TMC1: variants seen among roughly 807,000 people sequenced by gnomAD.
TMC1 encodes transmembrane channel-like protein 1.
In TMC1, 84 loss-of-function variants were observed where a neutral mutation model predicts 105.8. That is an observed-to-expected ratio of 0.79 (90% confidence interval 0.67 to 0.95). The LOEUF is 0.95. Ranked by LOEUF, TMC1 falls within the 40% of genes least tolerant of loss-of-function variation. The pLI is 0.00. For missense variants in TMC1, 817 were observed against 914.1 expected (o/e 0.89, Z 1.37); for synonymous variants, 315 against 311.5 (o/e 1.01, Z -0.12).
chr9:72,785,250 A>C (rs1828151410), intron 13 of TMC1, among the ~76,000 whole-genome samples: 1 of 152,206 alleles, frequency 6.6e-6, no homozygotes. Flanking sequence ...CAGTTGGAAC[A>C]TGTTTCTTTT....
intron 17 of TMC1, among the ~76,000 whole-genome samples, chr9:72,801,178 C>G (rs1432790667): frequency 6.6e-6 from 1 of 152,052 alleles, no homozygotes; most frequent in African/African-American, 2.4e-5. Context: ...CTGCAGATTC[C>G]CAAGCAATCA....
At chr9:72,718,331 G>C (rs993615679) in intron 8 of TMC1, among the ~76,000 whole-genome samples, 2 of 152,144 alleles carry the variant, frequency 1.3e-5, no homozygotes, top group South Asian at 4.1e-4. Flanking sequence ...ATTTGGGTAG[G>C]CTATTTCAGA....
intron 1 of TMC1, among the ~76,000 whole-genome samples, chr9:72,523,476 A>G (rs1002288095): frequency 6.6e-6 from 1 of 152,194 alleles, no homozygotes; most frequent in African/African-American, 2.4e-5. Flanking sequence ...TGTATTATAC[A>G]CTGTATTCTT....
At chr9:72,692,381 C>T (rs2132187411) in intron 6 of TMC1, among the ~76,000 whole-genome samples, 1 of 152,234 alleles carries the variant, frequency 6.6e-6, no homozygotes, top group African/African-American at 2.4e-5. Context: ...GATTTTTCTA[C>T]CAGCTACCTA....
chr9:72,554,704 T>C (rs1002046564), intron 1 of TMC1, among the ~76,000 whole-genome samples: 1 of 152,176 alleles, frequency 6.6e-6, no homozygotes, highest in Non-Finnish European at 1.5e-5. Flanking sequence ...TGGATGCCAC[T>C]TTCTCATCTG....
rs576698276 is a variant in TMC1, at chr9:72,720,606, T to C, written c.363-19513T>C. Among the ~76,000 whole-genome samples the C allele has an allele frequency of 3.1e-4, 47 of 152,298 alleles. No individual in the cohort carries two copies. The South Asian group carries it at 8.5e-3, about 28-fold the overall frequency. On this transcript the variant is annotated intron_variant, in intron 8 of 23. Coordinates refer to ENST00000297784, the MANE Select transcript of TMC1 (RefSeq NM_138691.3). ...ATTGGAATGAATGACACAGGACAAG[T>C]ACGCCTGATCATAGCAGTAGCTTGT...
At position 72,694,562 on chromosome 9, in the gene TMC1, G is replaced by A. The variant is rs748771130; in HGVS notation, c.84G>A (p.Val28=). 1.2e-6 allele frequency: 2 copies of A among 1,612,628 alleles called. No individual in the cohort carries two copies. Among genetic ancestry groups the A allele is most frequent in the Non-Finnish European group, 1.7e-6 (2 of 1,179,192 alleles). Residue 28 remains valine (V), a synonymous_variant, in exon 7 of 24, where the codon GTG becomes GTA. Transcript: ENST00000297784. ...GTTTAGGTGAAGAGGAAGAGGAGGT[G>A]GAAGATAAGCTACCTCGAAGAGAGA... is the stretch of plus-strand genomic sequence containing the variant. ...EESSSEEEEE[V]EDKLPRRESL...
intron 18 of TMC1, among the ~76,000 whole-genome samples, chr9:72,809,330 G>A (rs1246229773): frequency 1.3e-5 from 2 of 152,098 alleles, no homozygotes; most frequent in Admixed American, 6.5e-5. Context: ...GAAAGTACAG[G>A]AAAAAAGACA....
chr9:72,704,872 G>A (rs1355084605), intron 8 of TMC1, among the ~76,000 whole-genome samples: 1 of 152,100 alleles, frequency 6.6e-6, no homozygotes, highest in Non-Finnish European at 1.5e-5. Flanking sequence ...TTTCAATTCT[G>A]AGAGACAGAA....
At chr9:72,550,392 C>A (rs1371425275) in intron 1 of TMC1, among the ~76,000 whole-genome samples, 1 of 151,018 alleles carries the variant, frequency 6.6e-6, no homozygotes, top group African/African-American at 2.4e-5. Context: ...CTTCAAGGAA[C>A]CCAGGAAGCA....
intron 2 of TMC1, among the ~76,000 whole-genome samples, chr9:72,613,665 T>TGTGGGTG (rs1825073610): frequency 6.6e-6 from 1 of 151,926 alleles, no homozygotes; most frequent in African/African-American, 2.4e-5. Flanking sequence ...ATGGTATGAG[T>TGTGGGTG]GTGGGTGGTG....
intron 4 of TMC1, among the ~76,000 whole-genome samples, chr9:72,646,187 A>G (rs12345397): frequency 0.022 from 3,369 of 152,180 alleles, 119 homozygotes; most frequent in African/African-American, 0.076. Context: ...CATATTTTGC[A>G]ATATTTTTGT....
chr9:72,758,934 ACTT>A (rs969282086), intron 12 of TMC1, among the ~76,000 whole-genome samples: 3 of 152,130 alleles, frequency 2.0e-5, no homozygotes, highest in African/African-American at 7.2e-5. Context: ...GATTTATACT[ACTT>A]GTTTCAGTAT....
chr9:72,622,266 G>A (rs1825265842), intron 3 of TMC1, among the ~76,000 whole-genome samples: 1 of 152,138 alleles, frequency 6.6e-6, no homozygotes, highest in Non-Finnish European at 1.5e-5. Flanking sequence ...AGCAAAGGAA[G>A]GTCACTCCTG....
At chr9:72,783,838 T>C (rs1828129582) in intron 13 of TMC1, among the ~76,000 whole-genome samples, 1 of 152,144 alleles carries the variant, frequency 6.6e-6, no homozygotes, top group Non-Finnish European at 1.5e-5. Flanking sequence ...GATAGCCCTA[T>C]CCAGAAGATC....
chr9:72,697,856 C>T (rs1321863490), intron 7 of TMC1, among the ~76,000 whole-genome samples: 1 of 151,966 alleles, frequency 6.6e-6, no homozygotes, highest in Non-Finnish European at 1.5e-5. Context: ...GACTTTATTA[C>T]TGATAATTTC....
At chr9:72,593,046 G>A (rs1824663258) in intron 2 of TMC1, among the ~76,000 whole-genome samples, 1 of 152,174 alleles carries the variant, frequency 6.6e-6, no homozygotes, top group African/African-American at 2.4e-5. Context: ...AAAAATGTGA[G>A]TAAAATTCTT....
intron 1 of TMC1, among the ~76,000 whole-genome samples, chr9:72,564,749 C>T (rs547949009): frequency 6.6e-6 from 1 of 152,306 alleles, no homozygotes. Flanking sequence ...TCCACACACT[C>T]CAGCTCTCTC....
chr9:72,694,765 C>A, intron 7 of TMC1, 51 bp downstream of exon 7: 1 of 1,550,206 alleles, frequency 6.5e-7, no homozygotes. Context: ...AAGAAGATCA[C>A]TCCTTTCAGA....
Sources: allele counts gnomAD v4.1 joint callset (sites outside exome capture counted in the v4.1 genomes callset), GRCh38; gene constraint gnomAD v4.1.1; transcripts MANE v1.5; gene names NCBI Gene and HGNC (gene_info 2026-07-23, HGNC 2026-07-21).